PCDH15: variants seen among roughly 807,000 people sequenced by gnomAD.
PCDH15 encodes protocadherin related 15.
PCDH15 carries 129 observed loss-of-function variants against 178.5 expected under a neutral mutation model. The ratio of observed to expected loss-of-function variants is 0.72; its 90% CI spans 0.63 to 0.84. PCDH15 has a LOEUF of 0.84. Ranked by LOEUF, PCDH15 falls within the 40% of genes least tolerant of loss-of-function variation. The probability of loss-of-function intolerance (pLI) is 0.00; values close to 1 mark genes in which losing one functional copy is unlikely to be tolerated. For synonymous variants in PCDH15, 800 were observed against 732.0 expected (o/e 1.09, Z -1.50); for missense variants, 2,230 against 2,099.9 (o/e 1.06, Z -1.21).
chr10:54,898,068 G>C (rs1339666870), intron 2 of PCDH15, among the ~76,000 whole-genome samples: 1 of 152,102 alleles, frequency 6.6e-6, no homozygotes, highest in Non-Finnish European at 1.5e-5. Flanking sequence ...TCATGGCCTG[G>C]TGCTGTCCTG....
intron 2 of PCDH15, among the ~76,000 whole-genome samples, chr10:55,004,394 A>T (rs1319047555): frequency 1.3e-5 from 2 of 152,160 alleles, no homozygotes; most frequent in Non-Finnish European, 2.9e-5. Flanking sequence ...CTGAATAAAC[A>T]TAGAAATTTA....
rs369634452 is a variant in PCDH15 at position 54,137,446 on chromosome 10, T to TG, written c.1785-4440dup. Reference sequence around the variant, plus strand: ...ATATAAATACATATATACTTTTTTTTGATAAACATAGAAATTGACCCTTCT... The same window carrying TG: ...ATATAAATACATATATACTTTTTTTTGGATAAACATAGAAATTGACCCTTCT... On this transcript the variant is annotated intron_variant, in intron 14 of 37. Coordinates refer to ENST00000644397, the MANE Select transcript of PCDH15 (RefSeq NM_001384140.1). 6.7e-4 allele frequency among the ~76,000 whole-genome samples: 102 copies of TG among 152,294 alleles called. No homozygotes were observed. The East Asian group carries it at 0.015, about 22-fold the overall frequency.
intron 2 of PCDH15, among the ~76,000 whole-genome samples, chr10:55,104,360 C>A (rs1263009975): frequency 6.6e-6 from 1 of 152,138 alleles, no homozygotes; most frequent in Non-Finnish European, 1.5e-5. Flanking sequence ...TTAAGCCAAA[C>A]ACCTTTCTAA....
intron 7 of PCDH15, 94 bp from the exon 8 acceptor site, chr10:54,317,535 G>GATT: frequency 6.9e-7 from 1 of 1,445,294 alleles, no homozygotes; most frequent in Non-Finnish European, 9.7e-7. Context: ...AGAACTTTGG[G>GATT]AGGCCAAGGT....
chr10:55,465,614 A>G (rs1157192378), intron 2 of PCDH15, among the ~76,000 whole-genome samples: 3 of 152,180 alleles, frequency 2.0e-5, no homozygotes, highest in East Asian at 1.9e-4. Context: ...TAGGAGAAGT[A>G]TATCATCTCT....
intron 11 of PCDH15, among the ~76,000 whole-genome samples, chr10:54,189,834 TG>T (rs1307688644): frequency 6.6e-6 from 1 of 151,904 alleles, no homozygotes; most frequent in Non-Finnish European, 1.5e-5. Flanking sequence ...ACTTATATTA[TG>T]GGTTATTTTG....
At chr10:55,310,960 A>G (rs1252466447) in intron 1 of PCDH15, among the ~76,000 whole-genome samples, 1 of 152,226 alleles carries the variant, frequency 6.6e-6, no homozygotes, top group Non-Finnish European at 1.5e-5. Context: ...TCACCATGGC[A>G]TGTGTATACC....
chr10:54,975,576 T>C (rs1049881830), intron 2 of PCDH15, among the ~76,000 whole-genome samples: 1 of 151,964 alleles, frequency 6.6e-6, no homozygotes, highest in African/African-American at 2.4e-5. Context: ...TGAGAAGTGG[T>C]GGTGGCAGAG....
At chr10:54,722,228 A>G (rs747045785) in intron 1 of PCDH15, among the ~76,000 whole-genome samples, 9 of 151,832 alleles carry the variant, frequency 5.9e-5, no homozygotes, top group Non-Finnish European at 1.2e-4. Context: ...ATATAATAAG[A>G]GCCATGTATG....
chr10:54,026,837 T>G (rs1316274132), intron 18 of PCDH15, among the ~76,000 whole-genome samples: 4 of 152,244 alleles, frequency 2.6e-5, no homozygotes, highest in East Asian at 3.9e-4. Flanking sequence ...AGTATCATAC[T>G]GAATGGGCAA....
chr10:55,613,417 A>G (rs1243864002), intron 2 of PCDH15, among the ~76,000 whole-genome samples: 3 of 152,110 alleles, frequency 2.0e-5, no homozygotes, highest in Non-Finnish European at 4.4e-5. Flanking sequence ...TTAGACTTTC[A>G]AATACATGCC....
intron 3 of PCDH15, among the ~76,000 whole-genome samples, chr10:54,473,642 TTATTA>T (rs1418201686): frequency 6.6e-6 from 1 of 152,028 alleles, no homozygotes; most frequent in Non-Finnish European, 1.5e-5. Flanking sequence ...TGTCTTCAGT[TTATTA>T]TGAGTTCAAT....
chr10:55,007,142 C>T (rs933566602), intron 2 of PCDH15, among the ~76,000 whole-genome samples: 3 of 152,150 alleles, frequency 2.0e-5, no homozygotes, highest in Non-Finnish European at 1.5e-5. Context: ...AAGCAGACAC[C>T]ACTATGCTTC....
intron 18 of PCDH15, among the ~76,000 whole-genome samples, chr10:54,042,643 C>T (rs2093573286): frequency 6.6e-6 from 1 of 151,988 alleles, no homozygotes; most frequent in Admixed American, 6.6e-5. Flanking sequence ...TGGAGTGATG[C>T]AAATGATGTT....
At chr10:54,042,021 T>A (rs941220916) in intron 18 of PCDH15, among the ~76,000 whole-genome samples, 7 of 151,700 alleles carry the variant, frequency 4.6e-5, no homozygotes, top group African/African-American at 1.2e-4. Context: ...AGAAAAAAAA[T>A]GTTTTCTATA....
chr10:55,449,972 C>G (rs1839398044), intron 2 of PCDH15, among the ~76,000 whole-genome samples: 1 of 152,010 alleles, frequency 6.6e-6, no homozygotes, highest in South Asian at 2.1e-4. Context: ...TTTCTGAGGA[C>G]TCTGGGAACA....
intron 2 of PCDH15, among the ~76,000 whole-genome samples, chr10:55,395,593 G>C (rs1175501943): frequency 6.6e-6 from 1 of 151,968 alleles, no homozygotes; most frequent in African/African-American, 2.4e-5. Context: ...TAAGCCTATA[G>C]AATTTTCTCT....
intron 18 of PCDH15, among the ~76,000 whole-genome samples, chr10:54,031,293 C>T (rs576641243): frequency 2.1e-4 from 32 of 151,974 alleles, no homozygotes; most frequent in Middle Eastern, 3.4e-3. Context: ...CGTTCAAAAC[C>T]TAGCTTCAGT....
At chr10:55,623,795 T>C (rs1589195191) in intron 2 of PCDH15, among the ~76,000 whole-genome samples, 1 of 151,516 alleles carries the variant, frequency 6.6e-6, no homozygotes, top group East Asian at 1.9e-4. Flanking sequence ...TTCTAATAGA[T>C]ATCCATTGGC....
Sources: gnomAD v4.1 joint callset for allele counts (sites outside exome capture counted in the v4.1 genomes callset) on GRCh38, gnomAD v4.1.1 for gene constraint, MANE v1.5 for transcripts, NCBI Gene and HGNC (gene_info 2026-07-23, HGNC 2026-07-21) for gene names.